The following SLC47A1 variants were observed in gnomAD, a reference collection of about 807,000 sequenced individuals.
SLC47A1 encodes the protein multidrug and toxin extrusion protein 1.
Under a neutral mutation model 65.8 loss-of-function variants are expected in SLC47A1, and 58 were observed. The observed-to-expected ratio is 0.88, with a 90% CI of 0.71 to 1.10. The LOEUF (loss-of-function observed/expected upper bound fraction) is 1.10. Among genes scored for constraint, SLC47A1 ranks in the 50% least tolerant of loss-of-function variants. SLC47A1 has a pLI of 0.00. For synonymous variants in SLC47A1, 285 were observed against 295.0 expected (o/e 0.97, Z 0.35); for missense variants, 706 against 719.2 (o/e 0.98, Z 0.21).
intron 2 of SLC47A1, among the ~76,000 whole-genome samples, 166 bp downstream of exon 2, chr17:19,542,660 T>G (rs1325095322): frequency 6.6e-6 from 1 of 152,060 alleles, no homozygotes; most frequent in Non-Finnish European, 1.5e-5. Flanking sequence ...AAAATCAAGG[T>G]GCTGCAACTT....
chr17:19,578,045 C>T lies in SLC47A1; in HGVS notation c.*492C>T, dbSNP rs1346905929. On this transcript the variant is annotated 3_prime_UTR_variant, in exon 17 of 17. Coordinates refer to ENST00000270570, the MANE Select transcript of SLC47A1 (RefSeq NM_018242.3). ...TCATGCAGGCTGGAGTGCGGTGGTGCGATCATAGCTCACTGCAGCCTCGAA... is the reference window on the plus strand; with the variant it reads ...TCATGCAGGCTGGAGTGCGGTGGTGTGATCATAGCTCACTGCAGCCTCGAA... The T allele has an allele frequency of 4.7e-6, 5 of 1,071,538 alleles. No homozygotes were observed. The South Asian group carries it at 6.5e-5, about 14-fold the overall frequency. The allele number at this position is 1,071,538 out of a possible 1,614,324, so 66.4% of individuals were successfully genotyped here.
intron 12 of SLC47A1, 79 bp from the exon 13 acceptor site, chr17:19,566,711 C>T: frequency 7.4e-7 from 1 of 1,344,640 alleles, no homozygotes; most frequent in Non-Finnish European, 1.1e-6. Context: ...AGGCATGAGC[C>T]ACTGCGCCTA....
intron 1 of SLC47A1, among the ~76,000 whole-genome samples, chr17:19,537,975 C>T (rs1416495270): frequency 6.6e-6 from 1 of 152,228 alleles, no homozygotes; most frequent in African/African-American, 2.4e-5. Context: ...GAATTCTCTG[C>T]TGCACCCCAC....
intron 2 of SLC47A1, among the ~76,000 whole-genome samples, chr17:19,543,073 T>C (rs1916191281): frequency 6.6e-6 from 1 of 150,986 alleles, no homozygotes; most frequent in African/African-American, 2.4e-5. Flanking sequence ...ATTACAGGTA[T>C]GAGCCACCGT....
chr17:19,560,122 C>T (rs985396912), intron 10 of SLC47A1, 66 bp from the exon 11 acceptor site: 1 of 1,200,036 alleles, frequency 8.3e-7, no homozygotes, highest in African/African-American at 1.5e-5. Context: ...CATGAGGCTG[C>T]TTCTCTGCAC....
chr17:19,578,266 T>C lies in SLC47A1; in HGVS notation c.*713T>C. On this transcript the variant is annotated 3_prime_UTR_variant, in exon 17 of 17. Transcript: ENST00000270570. ...AAAGACTGATAATTCCTGGTAGGGGTGTGTGCGTGACGTACTGCAGCCTCA... is the reference window on the plus strand; with the variant it reads ...AAAGACTGATAATTCCTGGTAGGGGCGTGTGCGTGACGTACTGCAGCCTCA... 1 of 340,144 alleles carries C rather than the reference T, an allele frequency of 2.9e-6. No individual in the cohort carries two copies. Among genetic ancestry groups the C allele is most frequent in the Non-Finnish European group, 5.8e-6 (1 of 172,908 alleles). 21.1% of individuals were successfully genotyped at this position (340,144 alleles called of 1,614,324 possible).
intron 6 of SLC47A1, 84 bp from the exon 7 acceptor site, chr17:19,555,128 G>T: frequency 7.8e-7 from 1 of 1,286,024 alleles, no homozygotes; most frequent in African/African-American, 1.5e-5. Flanking sequence ...GAGCAGGCCA[G>T]CTGGAGCCTG....
intron 2 of SLC47A1, among the ~76,000 whole-genome samples, chr17:19,545,979 T>C (rs1483532882): frequency 1.3e-5 from 2 of 152,014 alleles, no homozygotes; most frequent in East Asian, 1.9e-4. Flanking sequence ...TCCCAGCACT[T>C]TGGGAGGCGG....
intron 14 of SLC47A1, among the ~76,000 whole-genome samples, chr17:19,568,986 A>C (rs1455198363): frequency 6.6e-6 from 1 of 152,008 alleles, no homozygotes; most frequent in Non-Finnish European, 1.5e-5. Flanking sequence ...TGGCCTCCCA[A>C]GTATCTGGGA....
Position 19,566,817 on chromosome 17 carries a change from G to A in SLC47A1, c.1134G>A (p.Val378=), listed in dbSNP as rs1228271637. ...DRDIINLVAQ[V]VPIYAVSHLF... is the part of the protein sequence containing the mutation. ...ACATCATTAATCTGGTGGCTCAGGTGGTTCCAATTTATGCTGTTTCCCACC... is the reference window on the plus strand; with the variant it reads ...ACATCATTAATCTGGTGGCTCAGGTAGTTCCAATTTATGCTGTTTCCCACC... Residue 378 remains valine (V), a synonymous_variant, in exon 13 of 17, where the codon GTG becomes GTA. Transcript: ENST00000270570. The A allele has an allele frequency of 6.2e-7, 1 of 1,614,008 alleles. No individual in the cohort carries two copies.
In SLC47A1 at chr17:19,561,193, G is replaced by A. The variant is rs1391390886; in HGVS notation, c.1106+700G>A. Among the ~76,000 whole-genome samples the A allele has an allele frequency of 2.6e-5, 4 of 151,884 alleles. No homozygotes were observed. The East Asian group carries it at 7.7e-4, about 29-fold the overall frequency. On this transcript the variant is annotated intron_variant, in intron 12 of 16. Coordinates refer to ENST00000270570, the MANE Select transcript of SLC47A1 (RefSeq NM_018242.3). ...GAATCACTTGAACCCAGGAGGCAGA[G>A]GTGCCAGTGAGCCAAGATCGTGCCA... is the stretch of plus-strand genomic sequence containing the variant.
chr17:19,548,153 A>T lies in SLC47A1; in HGVS notation c.455+20A>T, dbSNP rs1471069669. 1.9e-6 allele frequency: 3 copies of T among 1,601,060 alleles called. No homozygotes were observed. Among genetic ancestry groups the T allele is most frequent in the Non-Finnish European group, 2.6e-6 (3 of 1,171,916 alleles). ...GTCCAGGTAAGATGGAACCTGTCGC[A>T]GCGGGACTTGGCGTCCATCCCACGG... On this transcript the variant is annotated intron_variant, in intron 4 of 16. Transcript: ENST00000270570.
rs1372523338 is a variant in SLC47A1 at position 19,578,529 on chromosome 17, A to C, written c.*976A>C. Reference sequence around the variant, plus strand: ...AAATTTTAATAAAGGTCTTAGCTTAAGCAGTAATCCTACTTCATTAAGCCT... The same window carrying C: ...AAATTTTAATAAAGGTCTTAGCTTACGCAGTAATCCTACTTCATTAAGCCT... On this transcript the variant is annotated 3_prime_UTR_variant, in exon 17 of 17. Coordinates refer to ENST00000270570, the MANE Select transcript of SLC47A1 (RefSeq NM_018242.3). 1 of 165,834 alleles carries C rather than the reference A, an allele frequency of 6.0e-6. No individual in the cohort carries two copies. Among genetic ancestry groups the C allele is most frequent in the African/African-American group, 2.4e-5 (1 of 41,572 alleles). The allele number at this position is 165,834 out of a possible 1,614,324, so 10.3% of individuals were successfully genotyped here.
rs1281059703 is a variant in SLC47A1, at chr17:19,567,234, C to G, written c.1309+6C>G. 6.2e-7 allele frequency: 1 copy of G among 1,614,060 alleles called. No individual in the cohort carries two copies. The highest frequency in any genetic ancestry group is 1.3e-5 in the African/African-American group (1 of 74,938). On this transcript the variant is annotated splice_donor_region_variant and intron_variant, in intron 14 of 16. Coordinates refer to ENST00000270570, the MANE Select transcript of SLC47A1 (RefSeq NM_018242.3). ...AACCACACTTGGAGTGATGGGTAAG[C>G]TCTAACCTCTGCAGGCAGGGCTTAG...
At chr17:19,558,863 G>C (rs1231630587) in intron 10 of SLC47A1, among the ~76,000 whole-genome samples, 3 of 152,050 alleles carry the variant, frequency 2.0e-5, no homozygotes, top group Non-Finnish European at 4.4e-5. Flanking sequence ...GTCCCTACTT[G>C]TGAATTTATA....
chr17:19,538,045 A>G (rs1337773169), intron 1 of SLC47A1, among the ~76,000 whole-genome samples: 1 of 152,212 alleles, frequency 6.6e-6, no homozygotes, highest in Non-Finnish European at 1.5e-5. Context: ...ATCTTTCCCT[A>G]TTCCACAGAT....
intron 12 of SLC47A1, among the ~76,000 whole-genome samples, chr17:19,563,450 TG>T (rs2152315971): frequency 1.3e-5 from 2 of 151,896 alleles, no homozygotes; most frequent in South Asian, 4.2e-4. Context: ...TATTTTAAAA[TG>T]TCAAAAAGCA....
chr17:19,548,249 C>T (rs1165359792), intron 4 of SLC47A1, 116 bp downstream of exon 4: 1 of 1,314,556 alleles, frequency 7.6e-7, no homozygotes, highest in Non-Finnish European at 1.0e-6. Context: ...CTCATCTCTC[C>T]TTGGCTGACG....
intron 16 of SLC47A1, among the ~76,000 whole-genome samples, chr17:19,573,447 G>T (rs1053517999): frequency 6.6e-6 from 1 of 151,866 alleles, no homozygotes; most frequent in African/African-American, 2.4e-5. Context: ...CATTCATGTT[G>T]TCTAGGCTCC....
Sources: gnomAD v4.1 joint callset for allele counts (sites outside exome capture counted in the v4.1 genomes callset) on GRCh38, gnomAD v4.1.1 for gene constraint, MANE v1.5 for transcripts, NCBI Gene and HGNC (gene_info 2026-07-23, HGNC 2026-07-21) for gene names.